NCMAP: variants seen among roughly 807,000 people sequenced by gnomAD.
NCMAP encodes non-compact myelin associated protein.
A neutral mutation model predicts 7.8 loss-of-function variants in NCMAP; 8 were observed. That is an observed-to-expected ratio of 1.02 (90% CI 0.60 to 1.84). The LOEUF is 1.84. Among genes scored for constraint, NCMAP ranks in the 40% most tolerant of loss-of-function variants. The probability of loss-of-function intolerance (pLI) is 0.00; values close to 1 mark genes in which losing one functional copy is unlikely to be tolerated. For synonymous variants in NCMAP, 41 were observed against 52.9 expected (o/e 0.78, Z 0.98); for missense variants, 112 against 131.4 (o/e 0.85, Z 0.72).
chr1:24,561,279 G>A (rs1323132654), intron 1 of NCMAP, among the ~76,000 whole-genome samples: 4 of 151,334 alleles, frequency 2.6e-5, no homozygotes, highest in African/African-American at 7.3e-5. Context: ...TGGGGGAGGC[G>A]GAGGTTGCAG....
intron 2 of NCMAP, among the ~76,000 whole-genome samples, chr1:24,599,934 T>G (rs1271687697): frequency 1.3e-5 from 2 of 151,314 alleles, no homozygotes; most frequent in Non-Finnish European, 2.9e-5. Flanking sequence ...TATTTAGGAA[T>G]ATTTCCTTTA....
intron 1 of NCMAP, among the ~76,000 whole-genome samples, chr1:24,574,370 C>T (rs868641940): frequency 1.3e-5 from 2 of 151,662 alleles, no homozygotes; most frequent in Admixed American, 6.5e-5. Flanking sequence ...CTGCCCACCT[C>T]GGCCTCGCAA....
rs114077020 is a variant in NCMAP, at chr1:24,578,109, A to G, written c.-7-17315A>G. 8.0e-3 allele frequency among the ~76,000 whole-genome samples: 1,218 copies of G among 152,134 alleles called. 9 individuals carry two copies. Among genetic ancestry groups the G allele is most frequent in the African/African-American group, 0.028 (1,170 of 41,490 alleles). On this transcript the variant is annotated intron_variant, in intron 1 of 3. Coordinates refer to ENST00000374392, the MANE Select transcript of NCMAP (RefSeq NM_001010980.5). ...GAGACCCTGTTTGTACTAAAAATAC[A>G]AAAGTATTAGCCAGGCATGGTGGCA... is the stretch of plus-strand genomic sequence containing the variant.
intron 1 of NCMAP, among the ~76,000 whole-genome samples, chr1:24,571,620 C>T (rs1274439973): frequency 1.3e-5 from 2 of 150,142 alleles, no homozygotes; most frequent in Non-Finnish European, 2.9e-5. Flanking sequence ...GAGTCTTGCT[C>T]TGTCGCCCAG....
At chr1:24,597,621 A>C (rs9701599) in intron 2 of NCMAP, among the ~76,000 whole-genome samples, 12 of 58,578 alleles carry the variant, frequency 2.0e-4, no homozygotes, top group Non-Finnish European at 2.5e-4. Context: ...AAGAAAGAGA[A>C]AGAAAGAAAG....
chr1:24,598,371 G>C (rs991903523), intron 2 of NCMAP, among the ~76,000 whole-genome samples: 1 of 152,062 alleles, frequency 6.6e-6, no homozygotes, highest in African/African-American at 2.4e-5. Context: ...CCTAGAGGTC[G>C]TGGTTCCCCT....
intron 1 of NCMAP, among the ~76,000 whole-genome samples, chr1:24,583,908 C>T (rs1284396296): frequency 6.6e-6 from 1 of 152,060 alleles, no homozygotes; most frequent in Admixed American, 6.5e-5. Flanking sequence ...TTGGGCAAGT[C>T]CCTTAACCTC....
intron 1 of NCMAP, among the ~76,000 whole-genome samples, chr1:24,577,786 G>A (rs1651627656): frequency 6.6e-6 from 1 of 152,054 alleles, no homozygotes. Flanking sequence ...TCGAGCTTTT[G>A]GGAGACTTAG....
chr1:24,566,893 T>C (rs1429442742), intron 1 of NCMAP, among the ~76,000 whole-genome samples: 1 of 152,120 alleles, frequency 6.6e-6, no homozygotes, highest in African/African-American at 2.4e-5. Flanking sequence ...GTCCATAGCT[T>C]CTAGATCCCC....
chr1:24,580,962 T>C (rs1193787912), intron 1 of NCMAP, among the ~76,000 whole-genome samples: 1 of 152,202 alleles, frequency 6.6e-6, no homozygotes, highest in Non-Finnish European at 1.5e-5. Context: ...TTGGCGTCTC[T>C]CCAGTGTGGT....
chr1:24,574,873 G>A lies in NCMAP; in HGVS notation c.-8+18704G>A, dbSNP rs1480425177. Among the ~76,000 whole-genome samples the A allele has an allele frequency of 2.0e-5, 3 of 146,538 alleles. No homozygotes were observed. In the Admixed American group the frequency reaches 2.1e-4, roughly 10 times the overall value. Reference sequence around the variant, plus strand: ...TGCAATGGCATGATCTCGGCTCACTGCACCCACTGCCTCCCGGGTTCAAGC... The same window carrying A: ...TGCAATGGCATGATCTCGGCTCACTACACCCACTGCCTCCCGGGTTCAAGC... On this transcript the variant is annotated intron_variant, in intron 1 of 3. Coordinates refer to ENST00000374392, the MANE Select transcript of NCMAP (RefSeq NM_001010980.5).
chr1:24,597,670 A>AAT (rs1557602697), intron 2 of NCMAP, among the ~76,000 whole-genome samples: 11 of 139,158 alleles, frequency 7.9e-5, no homozygotes, highest in Non-Finnish European at 4.8e-5. Context: ...AAAGAAAGAA[A>AAT]GAAAAGAAAA....
At chr1:24,565,164 T>C (rs2148925853) in intron 1 of NCMAP, among the ~76,000 whole-genome samples, 1 of 147,764 alleles carries the variant, frequency 6.8e-6, no homozygotes, top group East Asian at 2.0e-4. Context: ...TTTTTTAATG[T>C]AGGAAAGGCT....
chr1:24,582,862 C>T (rs554456273), intron 1 of NCMAP, among the ~76,000 whole-genome samples: 1 of 152,310 alleles, frequency 6.6e-6, no homozygotes, highest in African/African-American at 2.4e-5. Context: ...GGCAAGTTTC[C>T]TAACTTCTCT....
At chr1:24,583,980 T>C (rs879918366) in intron 1 of NCMAP, among the ~76,000 whole-genome samples, 4 of 152,086 alleles carry the variant, frequency 2.6e-5, no homozygotes, top group Non-Finnish European at 5.9e-5. Context: ...CTGTGTGGAT[T>C]GAATGGGGAA....
intron 1 of NCMAP, among the ~76,000 whole-genome samples, chr1:24,590,557 T>C (rs900377318): frequency 6.6e-6 from 1 of 152,172 alleles, no homozygotes; most frequent in Non-Finnish European, 1.5e-5. Flanking sequence ...GGGAAAGGCT[T>C]TCATTCCAAA....
chr1:24,592,836 G>A (rs1167801197), intron 1 of NCMAP, among the ~76,000 whole-genome samples: 4 of 151,930 alleles, frequency 2.6e-5, no homozygotes, highest in African/African-American at 4.8e-5. Context: ...GGAGAATGGC[G>A]TGAACCCGGG....
At chr1:24,575,945 G>A (rs527889132) in intron 1 of NCMAP, among the ~76,000 whole-genome samples, 3 of 148,296 alleles carry the variant, frequency 2.0e-5, no homozygotes, top group Admixed American at 6.7e-5. Context: ...AAAAAAATGA[G>A]GAAACTAAGT....
chr1:24,595,510 A>G lies in NCMAP; in HGVS notation c.80A>G (p.Lys27Arg), dbSNP rs1169675084. ...ACCAGGGGAGAAGACTTCCTGTATA[A>G]GAGTAAGGTCAAATTCGCTTAGAGG... is the stretch of plus-strand genomic sequence containing the variant. ...MTTRGEDFLY[K>R]SSGAIVAAVV... Residue 27 changes from lysine to arginine, a missense_variant and splice_region_variant, in exon 2 of 4, where the codon AAG becomes AGG. Coordinates refer to ENST00000374392, the MANE Select transcript of NCMAP (RefSeq NM_001010980.5). 2 of 1,611,500 alleles carry G rather than the reference A, an allele frequency of 1.2e-6. No individual in the cohort carries two copies. The highest frequency in any genetic ancestry group is 3.3e-5 in the Admixed American group (2 of 60,000).
Sources: allele counts gnomAD v4.1 joint callset (sites outside exome capture counted in the v4.1 genomes callset), GRCh38; gene constraint gnomAD v4.1.1; transcripts MANE v1.5; gene names NCBI Gene and HGNC (gene_info 2026-07-23, HGNC 2026-07-21).